EEIG1: variants seen among roughly 807,000 people sequenced by gnomAD.
EEIG1 encodes early estrogen-induced gene 1 protein.
At chr9:127,942,992 C>T in the EEIG1 span, 3 of 618,278 alleles carry the variant, frequency 4.9e-6, no homozygotes, top group Non-Finnish European at 8.8e-6. Context: ...GGTGCCTGGG[C>T]CTTGGTGGGC....
chr9:127,963,841 G>A, the EEIG1 span: 1 of 152,340 alleles, frequency 6.6e-6, no homozygotes, highest in Non-Finnish European at 1.5e-5. Context: ...GTTGAGAGGG[G>A]GAGACGGCCA....
the EEIG1 span, among the ~76,000 whole-genome samples, chr9:127,949,178 G>C: frequency 1.3e-5 from 2 of 151,984 alleles, no homozygotes; most frequent in Non-Finnish European, 2.9e-5. Context: ...GCCGGGCGTG[G>C]TGGCGGGCAC....
At chr9:127,961,768 C>T in the EEIG1 span, among the ~76,000 whole-genome samples, 4 of 148,638 alleles carry the variant, frequency 2.7e-5, no homozygotes, top group Admixed American at 2.1e-4. Flanking sequence ...AAGCGAGTGG[C>T]CACAGATATC....
At chr9:127,974,105 T>C in the EEIG1 span, among the ~76,000 whole-genome samples, 3 of 152,150 alleles carry the variant, frequency 2.0e-5, no homozygotes, top group African/African-American at 7.2e-5. Context: ...TACTAAGTAC[T>C]AGGCATGATG....
chr9:127,943,307 C>A, the EEIG1 span: 2 of 1,470,604 alleles, frequency 1.4e-6, no homozygotes, highest in African/African-American at 2.8e-5. Context: ...CTGGACCAGG[C>A]CTCTGGAGGT....
chr9:127,949,311 CAA>C, the EEIG1 span, among the ~76,000 whole-genome samples: 4 of 90,146 alleles, frequency 4.4e-5, no homozygotes, highest in Admixed American at 1.2e-4. Context: ...GACTCTGTCT[CAA>C]AAAAAAAAAA....
chr9:127,975,025 C>G, the EEIG1 span, among the ~76,000 whole-genome samples: 1 of 152,262 alleles, frequency 6.6e-6, no homozygotes, highest in Admixed American at 6.5e-5. Flanking sequence ...GAGCTCCACA[C>G]TGTGCCTGTG....
chr9:127,948,243 G>C, the EEIG1 span: 3 of 1,613,672 alleles, frequency 1.9e-6, no homozygotes, highest in Non-Finnish European at 2.5e-6. Flanking sequence ...AGACAGACAG[G>C]TGTGACTAGG....
chr9:127,971,952 C>T, the EEIG1 span, among the ~76,000 whole-genome samples: 2 of 152,174 alleles, frequency 1.3e-5, no homozygotes, highest in Admixed American at 1.3e-4. Context: ...TGGAAGCCGA[C>T]GAGGCCAGCC....
At chr9:127,959,944 T>C in the EEIG1 span, among the ~76,000 whole-genome samples, 3 of 152,222 alleles carry the variant, frequency 2.0e-5, no homozygotes, top group Non-Finnish European at 2.9e-5. Context: ...GTTGTGATGA[T>C]GGTTGTGCAA....
the EEIG1 span, among the ~76,000 whole-genome samples, chr9:127,947,130 GGGCGCGGTGGCTCACGCCT>G: frequency 1.3e-5 from 2 of 151,676 alleles, no homozygotes; most frequent in East Asian, 3.9e-4. Flanking sequence ...GTGCCCAGCC[GGGCGCGGTGGCTCACGCCT>G]GTAATCCCAG....
At chr9:127,976,781 CT>C in the EEIG1 span, among the ~76,000 whole-genome samples, 1 of 152,060 alleles carries the variant, frequency 6.6e-6, no homozygotes, top group Non-Finnish European at 1.5e-5. This position sits in a 1 kb window ranked among gnomAD's most constrained non-coding sequence, Gnocchi z 4.1. Context: ...GGGGTGGGGC[CT>C]TGGGCCTGCT....
At chr9:127,956,959 T>TC in the EEIG1 span, among the ~76,000 whole-genome samples, 3 of 152,058 alleles carry the variant, frequency 2.0e-5, no homozygotes, top group African/African-American at 7.2e-5. Context: ...AAGTGATCCA[T>TC]CTGCCATGGC....
the EEIG1 span, chr9:127,945,567 C>G: frequency 6.4e-7 from 1 of 1,563,912 alleles, no homozygotes. The surrounding 1 kb of genome is among the most constrained non-coding windows in gnomAD (Gnocchi z 6.5). Flanking sequence ...TGTAGCCTGT[C>G]AGGGGCGACG....
At chr9:127,979,968 A>T in the EEIG1 span, 1 of 1,601,338 alleles carries the variant, frequency 6.2e-7, no homozygotes, top group Non-Finnish European at 8.5e-7. Context: ...CCGCTGCTGC[A>T]GGCGCGACCG....
the EEIG1 span, chr9:127,943,015 A>T: frequency 1.5e-6 from 1 of 657,664 alleles, no homozygotes; most frequent in Non-Finnish European, 2.8e-6. Flanking sequence ...GGAGGGTCCC[A>T]GCATGGATGG....
chr9:127,950,705 AG>A, the EEIG1 span: 1 of 1,407,730 alleles, frequency 7.1e-7, no homozygotes, highest in Non-Finnish European at 9.3e-7. Context: ...CCAAGGACAG[AG>A]GCCCCGGGTC....
chr9:127,943,993 G>GAAGCTCAT, the EEIG1 span: 8 of 153,926 alleles, frequency 5.2e-5, no homozygotes, highest in East Asian at 1.5e-3. Flanking sequence ...CCGCCTGTGG[G>GAAGCTCAT]AAGCTCATTC....
the EEIG1 span, chr9:127,945,410 G>T: frequency 1.3e-6 from 2 of 1,581,354 alleles, no homozygotes; most frequent in Non-Finnish European, 8.6e-7. This position sits in a 1 kb window ranked among gnomAD's most constrained non-coding sequence, Gnocchi z 6.5. Context: ...GGTGGCCGCG[G>T]CGGCTTCTCC....
Sources: gnomAD v4.1 joint callset for allele counts (sites outside exome capture counted in the v4.1 genomes callset) on GRCh38, gnomAD v4.1.1 for gene constraint, Gnocchi (gnomAD v3.1) non-coding constraint, MANE v1.5 for transcripts, NCBI Gene and HGNC (gene_info 2026-07-23, HGNC 2026-07-21) for gene names.